THOC2: variants seen among roughly 807,000 people sequenced by gnomAD.
THOC2 encodes THO complex subunit 2.
A neutral mutation model predicts 128.4 loss-of-function variants in THOC2; 10 were observed. The observed-to-expected ratio is 0.08, with a 90% CI of 0.05 to 0.13. The LOEUF (loss-of-function observed/expected upper bound fraction) is 0.13. THOC2 is among the 10% of genes least tolerant of loss of function. The pLI, the probability that THOC2 is intolerant of heterozygous loss-of-function variation, is 1.00. For missense variants in THOC2, 535 were observed against 1,155.7 expected (o/e 0.46, Z 7.79); for synonymous variants, 393 against 396.9 (o/e 0.99, Z 0.12).
intron 7 of THOC2, among the ~76,000 whole-genome samples, chrX:123,694,300 AGT>A (rs2050354224): frequency 9.0e-6 from 1 of 111,588 alleles, no homozygotes; most frequent in African/African-American, 3.3e-5. Flanking sequence ...CACTCAGGAA[AGT>A]GTGGCGCCTA....
At chrX:123,641,957 CTTACAAATATA>C (rs1381803315) in intron 15 of THOC2, among the ~76,000 whole-genome samples, 1 of 111,943 alleles carries the variant, frequency 8.9e-6, no homozygotes, top group Non-Finnish European at 1.9e-5. Flanking sequence ...ATAGTTATAG[CTTACAAATATA>C]ACAAAAATCC....
intron 5 of THOC2, 131 bp from the exon 6 acceptor site, chrX:123,696,973 A>G: frequency 2.2e-6 from 1 of 459,068 alleles, no homozygotes; most frequent in Non-Finnish European, 3.3e-6. Context: ...ACAATTTATA[A>G]AAAGGCTTAG....
In THOC2 at chrX:123,680,965, TTCTC is replaced by T. The variant is rs374368414; in HGVS notation, c.768+5579_768+5582del. On this transcript the variant is annotated intron_variant, in intron 8 of 38. Transcript: ENST00000245838. ...CTAAGTAACCACACACACACATGCA[TTCTC>T]TCTCTCTCTCTCTCTCTCACCACAG... Among the ~76,000 whole-genome samples, 983 of 104,944 alleles carry T rather than the reference TTCTC, an allele frequency of 9.4e-3. 12 individuals are homozygous for T. Among genetic ancestry groups the T allele is most frequent in the African/African-American group, 0.029 (846 of 28,999 alleles). The allele number at this position is 104,944 out of a possible 115,157, so 91.1% of individuals were successfully genotyped here.
chrX:123,614,002 T>G (rs771337017), intron 34 of THOC2, 50 bp downstream of exon 34: 9 of 1,114,561 alleles, frequency 8.1e-6, no homozygotes, highest in Non-Finnish European at 1.1e-5. Context: ...TACACACTGG[T>G]GTACATGATA....
chrX:123,691,297 G>A (rs1465316000), intron 7 of THOC2, among the ~76,000 whole-genome samples: 1 of 111,808 alleles, frequency 8.9e-6, no homozygotes, highest in Non-Finnish European at 1.9e-5. Context: ...TACTATGAAG[G>A]GAAAACTTCT....
chrX:123,661,658 C>A (rs1026438533), intron 12 of THOC2, among the ~76,000 whole-genome samples: 1 of 110,648 alleles, frequency 9.0e-6, no homozygotes, highest in African/African-American at 3.3e-5. Context: ...TTAGAATGTT[C>A]CCAACATTTA....
chrX:123,675,077 A>G (rs2049431978), intron 8 of THOC2, among the ~76,000 whole-genome samples: 1 of 112,332 alleles, frequency 8.9e-6, no homozygotes, highest in South Asian at 3.7e-4. Context: ...CTTACAAACC[A>G]CAAATGTAAT....
chrX:123,619,661 T>C, intron 32 of THOC2: 1 of 360,887 alleles, frequency 2.8e-6, no homozygotes, highest in South Asian at 6.1e-5. Flanking sequence ...AATAAAAATC[T>C]TTCTCTGCTC....
chrX:123,695,949 T>C (rs1437783128), intron 7 of THOC2, 72 bp downstream of exon 7: 3 of 763,444 alleles, frequency 3.9e-6, no homozygotes, highest in Non-Finnish European at 5.5e-6. Flanking sequence ...CATTTTGTCT[T>C]TATGGATATT....
At chrX:123,610,248 G>A (rs1035552088) in intron 38 of THOC2, 4 of 109,141 alleles carry the variant, frequency 3.7e-5, no homozygotes, top group African/African-American at 1.3e-4. Context: ...TATTTAAGAT[G>A]GGTAAAATAC....
intron 12 of THOC2, among the ~76,000 whole-genome samples, chrX:123,645,949 C>CAAA (rs34625161): frequency 1.1e-5 from 1 of 91,019 alleles, no homozygotes; most frequent in Non-Finnish European, 2.2e-5. Flanking sequence ...ACAACAAGAG[C>CAAA]AAAAAAAAAA....
intron 12 of THOC2, among the ~76,000 whole-genome samples, chrX:123,647,120 TTTCA>T (rs2048157934): frequency 9.0e-6 from 1 of 111,535 alleles, no homozygotes; most frequent in Non-Finnish European, 1.9e-5. Flanking sequence ...ATTCTCTAGA[TTTCA>T]TTAAGCAGGA....
At chrX:123,730,186 T>TG (rs2052172110) in intron 1 of THOC2, among the ~76,000 whole-genome samples, 1 of 110,434 alleles carries the variant, frequency 9.1e-6, no homozygotes, top group South Asian at 3.8e-4. Context: ...GTTTTTGTTT[T>TG]TTTTTTTTTT....
At chrX:123,640,691 T>C (rs1390823854) in intron 15 of THOC2, 69 bp from the exon 16 acceptor site, 3 of 602,487 alleles carry the variant, frequency 5.0e-6, no homozygotes, top group Non-Finnish European at 7.6e-6. Context: ...ATAGCTTTGT[T>C]ACATCATCGT....
intron 8 of THOC2, among the ~76,000 whole-genome samples, chrX:123,674,923 C>T (rs1326218516): frequency 3.6e-5 from 4 of 111,299 alleles, no homozygotes; most frequent in Non-Finnish European, 7.5e-5. Context: ...ATGAATTGTA[C>T]CCCAAACCTC....
chrX:123,655,591 G>T (rs994901853), intron 12 of THOC2, among the ~76,000 whole-genome samples: 7 of 111,287 alleles, frequency 6.3e-5, no homozygotes, highest in African/African-American at 2.3e-4. Context: ...AAAAAAATTT[G>T]CAGGCATGAC....
At chrX:123,609,453 C>T (rs1338567209) in intron 38 of THOC2, among the ~76,000 whole-genome samples, 1 of 111,987 alleles carries the variant, frequency 8.9e-6, no homozygotes, top group Non-Finnish European at 1.9e-5. Flanking sequence ...CGAATCCCTG[C>T]TTTGCAGCCA....
chrX:123,726,202 CT>C (rs1383619858), intron 1 of THOC2, among the ~76,000 whole-genome samples: 1 of 108,924 alleles, frequency 9.2e-6, no homozygotes. Context: ...GAGTGAGACT[CT>C]GTCTCAAAAA....
chrX:123,696,708 T>G lies in THOC2; in HGVS notation c.467+13A>C. On this transcript the variant is annotated intron_variant, in intron 6 of 38. Transcript: ENST00000245838. ...CAGATACTTGATCTGCAACATAAGATACGTGTACTTACAAGAGTTTTGTCT... is the reference window on the plus strand; with the variant it reads ...CAGATACTTGATCTGCAACATAAGAGACGTGTACTTACAAGAGTTTTGTCT... The G allele has an allele frequency of 8.4e-7, 1 of 1,195,728 alleles. No homozygotes were observed. The highest frequency in any genetic ancestry group is 1.1e-6 in the Non-Finnish European group (1 of 888,142).
Sources: allele counts gnomAD v4.1 joint callset (sites outside exome capture counted in the v4.1 genomes callset), GRCh38; gene constraint gnomAD v4.1.1; transcripts MANE v1.5; gene names NCBI Gene and HGNC (gene_info 2026-07-23, HGNC 2026-07-21).